Variants in TCEA3 observed in about 807,000 individuals in gnomAD.
TCEA3 encodes transcription elongation factor A3.
In TCEA3, 36 loss-of-function variants were observed where a neutral mutation model predicts 44.0. The observed-to-expected ratio is 0.82, with a 90% CI of 0.63 to 1.08. The LOEUF is 1.08. Among genes scored for constraint, TCEA3 ranks in the 50% least tolerant of loss-of-function variants. The pLI is 0.00. For missense variants in TCEA3, 392 were observed against 441.2 expected, an observed-to-expected ratio of 0.89 and a Z score of 1.00; for synonymous variants, 162 against 159.7, an observed-to-expected ratio of 1.01 and a Z score of -0.11.
At chr1:23,418,264 T>A (rs1639952334) in intron 2 of TCEA3, 1 of 469,934 alleles carries the variant, frequency 2.1e-6, no homozygotes, top group Admixed American at 3.4e-5. Context: ...AACCTAGGGT[T>A]GGGGGTGGCA....
intron 5 of TCEA3, among the ~76,000 whole-genome samples, chr1:23,408,192 C>G (rs1639602069): frequency 6.6e-6 from 1 of 152,134 alleles, no homozygotes; most frequent in Non-Finnish European, 1.5e-5. Context: ...AAACTCCTGA[C>G]CTCAAGTGAT....
chr1:23,400,172 C>T (rs533219232), intron 5 of TCEA3, among the ~76,000 whole-genome samples: 1 of 152,286 alleles, frequency 6.6e-6, no homozygotes, highest in African/African-American at 2.4e-5. Context: ...TTTACCACTG[C>T]TCTGCTGTTT....
rs1410692681 is a variant in TCEA3 at position 23,387,363 on chromosome 1, G to A, written c.876C>T (p.Ile292=). The change falls in exon 9 of 11, where the codon ATC becomes ATT. Residue 292 remains isoleucine, a synonymous_variant. Transcript: ENST00000450454. ...ELRNAMTQEA[I]REHQMAKTGG... The stretch of plus-strand genomic sequence containing the variant: ...CAGTCTTGGCCATCTGGTGCTCACG[G>A]ATGGCCTCCTGGGTCATGGCATTCC... The A allele has an allele frequency of 6.2e-7, 1 of 1,612,942 alleles. No individual in the cohort carries two copies. The highest frequency in any genetic ancestry group is 8.5e-7 in the Non-Finnish European group (1 of 1,179,596).
chr1:23,388,716 G>A lies in TCEA3; in HGVS notation c.820-1297C>T, dbSNP rs774532441. The stretch of plus-strand genomic sequence containing the variant: ...GTTATTTTTGGGACAGGATCTTGCT[G>A]TCACCTAGGCTGGAGTGCAGTGGTG... On this transcript the variant is annotated intron_variant, in intron 8 of 10. Transcript: ENST00000450454. Among the ~76,000 whole-genome samples the A allele has an allele frequency of 1.7e-3, 258 of 151,976 alleles. 3 individuals carry two copies. Among genetic ancestry groups the A allele is most frequent in the Non-Finnish European group, 2.9e-4 (20 of 68,010 alleles).
Position 23,424,534 on chromosome 1 carries a change from G to GGGGGCC in TCEA3, c.69+25_69+30dup, listed in dbSNP as rs1446460810. The GGGGGCC allele has an allele frequency of 1.9e-6, 3 of 1,587,818 alleles. No homozygotes were observed. The African/African-American group carries it at 4.0e-5, about 21-fold the overall frequency. On this transcript the variant is annotated intron_variant, in intron 1 of 10. Coordinates refer to ENST00000450454, the MANE Select transcript of TCEA3 (RefSeq NM_003196.3). ...GGGCTTGCCCGCGCCTCCCGGGGGC[G>GGGGGCC]GGGGCCGTGGCCCAAACTCTGCAGC...
chr1:23,398,654 G>A (rs752947341), intron 5 of TCEA3, among the ~76,000 whole-genome samples: 7 of 152,124 alleles, frequency 4.6e-5, no homozygotes, highest in Admixed American at 2.0e-4. Context: ...ATTTTAAGAC[G>A]AGGAAATAAA....
At chr1:23,400,373 C>CTTTTTTTTTT (rs67325313) in intron 5 of TCEA3, among the ~76,000 whole-genome samples, 13 of 133,464 alleles carry the variant, frequency 9.7e-5, no homozygotes, top group African/African-American at 2.8e-4. Context: ...CCACACCAGG[C>CTTTTTTTTTT]TTTTTTTTTT....
chr1:23,396,773 TG>T (rs1315991370), intron 7 of TCEA3, among the ~76,000 whole-genome samples: 1 of 151,972 alleles, frequency 6.6e-6, no homozygotes, highest in African/African-American at 2.4e-5. Context: ...GATGCAAAGG[TG>T]GGTGGTGCAT....
At chr1:23,396,027 G>A (rs1407167780) in intron 7 of TCEA3, among the ~76,000 whole-genome samples, 1 of 152,110 alleles carries the variant, frequency 6.6e-6, no homozygotes, top group African/African-American at 2.4e-5. Context: ...GAATTAACAG[G>A]AAATGATGAA....
chr1:23,397,579 G>A lies in TCEA3; in HGVS notation c.630C>T (p.Val210=). 6.2e-7 allele frequency: 1 copy of A among 1,613,834 alleles called. No individual in the cohort carries two copies. The highest frequency in any genetic ancestry group is 8.5e-7 in the Non-Finnish European group (1 of 1,179,850). ...KADDDYKDYG[V]NCDKMASEIE... is the part of the protein sequence containing the mutation. ...TTTCTGATGCCATCTTGTCACAGTTGACTCCATAGTCCTTGTAATCATCTA... is the reference window on the plus strand; with the variant it reads ...TTTCTGATGCCATCTTGTCACAGTTAACTCCATAGTCCTTGTAATCATCTA... Residue 210 remains valine (V), a synonymous_variant, in exon 7 of 11, where the codon GTC becomes GTT. Transcript: ENST00000450454.
chr1:23,424,218 T>C (rs2148590634), intron 1 of TCEA3, among the ~76,000 whole-genome samples: 1 of 111,438 alleles, frequency 9.0e-6, no homozygotes, highest in South Asian at 3.2e-4. Flanking sequence ...CGCCAAGCCC[T>C]GGGACTCCCA....
chr1:23,384,891 C>T (rs1051807970), intron 9 of TCEA3, among the ~76,000 whole-genome samples: 1 of 152,008 alleles, frequency 6.6e-6, no homozygotes, highest in African/African-American at 2.4e-5. Flanking sequence ...GACCTCTCTT[C>T]TCTTGCCTCA....
chr1:23,381,515 G>A (rs759108986), intron 10 of TCEA3, 41 bp from the exon 11 acceptor site: 25 of 780,622 alleles, frequency 3.2e-5, no homozygotes, highest in Admixed American at 1.7e-4. Context: ...AAGGTTTCTC[G>A]GCATCCTCCA....
chr1:23,415,492 T>C (rs1639862961), intron 4 of TCEA3, among the ~76,000 whole-genome samples: 1 of 152,198 alleles, frequency 6.6e-6, no homozygotes, highest in East Asian at 1.9e-4. Flanking sequence ...TTCAACTTCA[T>C]CTCATAAGAG....
chr1:23,389,783 C>T (rs2148547966), intron 8 of TCEA3, among the ~76,000 whole-genome samples: 1 of 152,328 alleles, frequency 6.6e-6, no homozygotes, highest in East Asian at 1.9e-4. Flanking sequence ...GGACAAAATG[C>T]TATGGTCAAT....
At chr1:23,383,651 C>T in intron 10 of TCEA3, 3 of 985,494 alleles carry the variant, frequency 3.0e-6, no homozygotes, top group Non-Finnish European at 3.6e-6. Context: ...GCACCTGCAG[C>T]CTGCCTGGTG....
intron 8 of TCEA3, among the ~76,000 whole-genome samples, chr1:23,393,035 G>A (rs1489652261): frequency 6.6e-6 from 1 of 151,956 alleles, no homozygotes; most frequent in Non-Finnish European, 1.5e-5. Context: ...TTGTTTTCCT[G>A]CAACTAGATG....
rs1638754410 is a variant in TCEA3, at chr1:23,384,237, G to A, written c.1038+109C>T. ...TCTGCAGACCTACTCTGTGCAGGCTGGCAAGTGCTGCCATGCACAAGGCCC... is the reference window on the plus strand; with the variant it reads ...TCTGCAGACCTACTCTGTGCAGGCTAGCAAGTGCTGCCATGCACAAGGCCC... On this transcript the variant is annotated intron_variant, in intron 10 of 10. Coordinates refer to ENST00000450454, the MANE Select transcript of TCEA3 (RefSeq NM_003196.3). 4 of 1,593,448 alleles carry A rather than the reference G, an allele frequency of 2.5e-6. No homozygotes were observed. The East Asian group carries it at 8.9e-5, about 36-fold the overall frequency.
chr1:23,422,259 A>G (rs974124548), intron 1 of TCEA3, among the ~76,000 whole-genome samples: 1 of 152,138 alleles, frequency 6.6e-6, no homozygotes, highest in Non-Finnish European at 1.5e-5. Flanking sequence ...TGTGGGTCAT[A>G]TGGGTCAGTA....
Sources: gnomAD v4.1 joint callset for allele counts (sites outside exome capture counted in the v4.1 genomes callset) on GRCh38, gnomAD v4.1.1 for gene constraint, MANE v1.5 for transcripts, NCBI Gene and HGNC (gene_info 2026-07-23, HGNC 2026-07-21) for gene names.